SCNN1B: variants seen among roughly 807,000 people sequenced by gnomAD.
SCNN1B encodes the protein sodium channel epithelial 1 subunit beta.
In SCNN1B, 46 loss-of-function variants were observed where a neutral mutation model predicts 65.3. The ratio of observed to expected loss-of-function variants is 0.70; its 90% CI spans 0.56 to 0.90. The LOEUF is 0.90. Ranked by LOEUF, SCNN1B falls within the 40% of genes least tolerant of loss-of-function variation. The probability of loss-of-function intolerance (pLI) is 0.00; values close to 1 mark genes in which losing one functional copy is unlikely to be tolerated. For synonymous variants in SCNN1B, 349 were observed against 330.6 expected (o/e 1.06, Z -0.60); for missense variants, 751 against 830.5 (o/e 0.90, Z 1.18).
At chr16:23,322,864 T>G (rs1324370913) in intron 1 of SCNN1B, among the ~76,000 whole-genome samples, 1 of 151,932 alleles carries the variant, frequency 6.6e-6, no homozygotes, top group Admixed American at 6.6e-5. Context: ...CTTAACTCCA[T>G]CCACATTATT....
intron 1 of SCNN1B, among the ~76,000 whole-genome samples, chr16:23,337,567 AG>A (rs1348853525): frequency 6.6e-6 from 1 of 151,584 alleles, no homozygotes; most frequent in African/African-American, 2.4e-5. Flanking sequence ...TAGTAGAGAC[AG>A]GGTTTCACCA....
chr16:23,343,596 AAAG>A (rs1157276663), intron 1 of SCNN1B, among the ~76,000 whole-genome samples: 13 of 100,588 alleles, frequency 1.3e-4, no homozygotes, highest in African/African-American at 4.7e-4. Flanking sequence ...AGAAAGAAAG[AAAG>A]AAAGAAAGAA....
chr16:23,318,445 C>T (rs1476216982), intron 1 of SCNN1B, among the ~76,000 whole-genome samples: 1 of 152,090 alleles, frequency 6.6e-6, no homozygotes, highest in Non-Finnish European at 1.5e-5. Flanking sequence ...CCCATCTCTA[C>T]TAAAACTACA....
chr16:23,364,682 G>A (rs1596875990), intron 4 of SCNN1B, among the ~76,000 whole-genome samples: 1 of 152,152 alleles, frequency 6.6e-6, no homozygotes. Flanking sequence ...GGTGGAGACA[G>A]GTGGACAGAC....
In SCNN1B at chr16:23,365,823, C is replaced by T. The variant is rs371450203; in HGVS notation, c.777-2033C>T. On this transcript the variant is annotated intron_variant, in intron 4 of 12. Transcript: ENST00000343070. The stretch of plus-strand genomic sequence containing the variant: ...CCTTGCACCGTTGAGGAAACCCAAG[C>T]TCAGAGGTTGAGTAAGCAGCTCAAA... 7.9e-5 allele frequency among the ~76,000 whole-genome samples: 12 copies of T among 152,330 alleles called. No individual in the cohort carries two copies. In the South Asian group the frequency reaches 2.5e-3, roughly 32 times the overall value.
intron 2 of SCNN1B, among the ~76,000 whole-genome samples, chr16:23,349,468 T>G (rs2142017118): frequency 6.6e-6 from 1 of 152,198 alleles, no homozygotes; most frequent in South Asian, 2.1e-4. Flanking sequence ...AAGTCAAGGC[T>G]AAGAAAAAAT....
chr16:23,298,104 C>T (rs922825713), upstream of SCNN1B, among the ~76,000 whole-genome samples: 1 of 152,016 alleles, frequency 6.6e-6, no homozygotes, highest in African/African-American at 2.4e-5. Flanking sequence ...CACAATACTA[C>T]AAAAATATTC....
At chr16:23,356,350 C>T (rs1236345381) in intron 4 of SCNN1B, among the ~76,000 whole-genome samples, 1 of 152,004 alleles carries the variant, frequency 6.6e-6, no homozygotes, top group African/African-American at 2.4e-5. Flanking sequence ...TGAGGCTGGG[C>T]GTGGTGGCTC....
intron 1 of SCNN1B, among the ~76,000 whole-genome samples, chr16:23,331,788 G>C (rs1038462585): frequency 1.3e-5 from 2 of 152,108 alleles, no homozygotes; most frequent in African/African-American, 2.4e-5. Flanking sequence ...AGCACAGGAG[G>C]GGGAGCATCT....
chr16:23,334,662 A>C (rs1961899753), intron 1 of SCNN1B, among the ~76,000 whole-genome samples: 1 of 152,210 alleles, frequency 6.6e-6, no homozygotes, highest in Non-Finnish European at 1.5e-5. Context: ...ACCCCTCTGC[A>C]ACCTTCTCAT....
chr16:23,317,246 G>T (rs553493118), intron 1 of SCNN1B, among the ~76,000 whole-genome samples: 1 of 152,302 alleles, frequency 6.6e-6, no homozygotes, highest in East Asian at 1.9e-4. Flanking sequence ...ATGAGCTAAT[G>T]CCTGTGAGGC....
intron 1 of SCNN1B, among the ~76,000 whole-genome samples, chr16:23,322,590 C>T (rs542560965): frequency 6.6e-6 from 1 of 152,148 alleles, no homozygotes; most frequent in African/African-American, 2.4e-5. Flanking sequence ...GCATTACAGG[C>T]GTGAGCCACT....
At chr16:23,302,078 G>T (rs1430205775), upstream of SCNN1B, among the ~76,000 whole-genome samples, 1 of 152,152 alleles carries the variant, frequency 6.6e-6, no homozygotes, top group Non-Finnish European at 1.5e-5. Flanking sequence ...TGGCGCATGT[G>T]GGTATCGCTG....
chr16:23,355,487 C>T lies in SCNN1B; in HGVS notation c.774C>T (p.Tyr258=). Residue 258 remains tyrosine, a splice_region_variant and synonymous_variant, in exon 4 of 13, where the codon TAC becomes TAT. Transcript: ENST00000343070. ...TATTCGGAGCTGAGCCCTGCAACTA[C>T]CGGTGAGAGCCACCCCAAGCCCACC... ...ACLFGAEPCN[Y]RNFTSIFYPH... The T allele has an allele frequency of 1.2e-6, 2 of 1,614,040 alleles. No homozygotes were observed. Among genetic ancestry groups the T allele is most frequent in the Non-Finnish European group, 1.7e-6 (2 of 1,180,024 alleles).
chr16:23,324,497 C>T (rs1458707440), intron 1 of SCNN1B, among the ~76,000 whole-genome samples: 1 of 152,044 alleles, frequency 6.6e-6, no homozygotes, highest in Non-Finnish European at 1.5e-5. Context: ...GCCACTGGCC[C>T]CTGGCACATT....
chr16:23,327,052 GA>G (rs1961711874), intron 1 of SCNN1B, among the ~76,000 whole-genome samples: 1 of 152,036 alleles, frequency 6.6e-6, no homozygotes, highest in South Asian at 2.1e-4. Flanking sequence ...AAGAAGCTGG[GA>G]CTACAGGCAT....
intron 2 of SCNN1B, among the ~76,000 whole-genome samples, chr16:23,288,337 A>C (rs917813982): frequency 2.0e-5 from 3 of 152,230 alleles, no homozygotes; most frequent in Non-Finnish European, 4.4e-5. Flanking sequence ...AATTTTCAAA[A>C]TAATAAGTCA....
intron 4 of SCNN1B, among the ~76,000 whole-genome samples, chr16:23,367,528 C>T (rs1028027901): frequency 9.2e-5 from 14 of 152,168 alleles, no homozygotes; most frequent in African/African-American, 3.1e-4. Context: ...AAACTCCTGG[C>T]CTCAAGCGGT....
chr16:23,303,888 T>C (rs1434518469), intron 1 of SCNN1B: 2 of 668,438 alleles, frequency 3.0e-6, no homozygotes, highest in Admixed American at 2.1e-5. Flanking sequence ...CATTGCACTC[T>C]AGCCTGAGTG....
Sources: gnomAD v4.1 joint callset for allele counts (sites outside exome capture counted in the v4.1 genomes callset) on GRCh38, gnomAD v4.1.1 for gene constraint, MANE v1.5 for transcripts, NCBI Gene and HGNC (gene_info 2026-07-23, HGNC 2026-07-21) for gene names.